The following MLLT3 variants were observed in gnomAD, a reference collection of about 807,000 sequenced individuals.
MLLT3 encodes protein AF-9.
In MLLT3, 4 loss-of-function variants were observed where a neutral mutation model predicts 53.2. The ratio of observed to expected loss-of-function variants is 0.08; its 90% CI spans 0.04 to 0.17. MLLT3 has a LOEUF of 0.17. MLLT3 is among the 10% of genes least tolerant of loss of function. MLLT3 has a pLI of 1.00. For synonymous variants in MLLT3, 283 were observed against 230.6 expected, an observed-to-expected ratio of 1.23 and a Z score of -2.06; for missense variants, 569 against 684.0, an observed-to-expected ratio of 0.83 and a Z score of 1.87.
chr9:20,489,678 A>T (rs1460933105), intron 2 of MLLT3, among the ~76,000 whole-genome samples: 1 of 152,230 alleles, frequency 6.6e-6, no homozygotes, highest in Non-Finnish European at 1.5e-5. Flanking sequence ...AGTACCTAAA[A>T]TTCCAACATA....
chr9:20,510,304 G>C (rs983264032), intron 2 of MLLT3, among the ~76,000 whole-genome samples: 5 of 152,154 alleles, frequency 3.3e-5, no homozygotes, highest in Admixed American at 2.0e-4. Context: ...GGTTGGCAGA[G>C]ATACACAAAT....
chr9:20,438,230 T>C (rs953255643), intron 4 of MLLT3, among the ~76,000 whole-genome samples: 3 of 152,254 alleles, frequency 2.0e-5, no homozygotes, highest in African/African-American at 7.2e-5. Context: ...AAGATAGCTT[T>C]AACATCAAAA....
At chr9:20,586,740 G>C (rs1475927856) in intron 2 of MLLT3, among the ~76,000 whole-genome samples, 3 of 151,820 alleles carry the variant, frequency 2.0e-5, no homozygotes, top group Non-Finnish European at 4.4e-5. Flanking sequence ...AAAAAGTAGA[G>C]AAATAATGAG....
chr9:20,358,308 A>G lies in MLLT3; in HGVS notation c.1431+2434T>C, dbSNP rs898362767. On this transcript the variant is annotated intron_variant, in intron 8 of 10. Transcript: ENST00000380338. ...CCTCCTGTGGTATATATATTTCCTA[A>G]CCCAGACTAGCTAAAAGTGGAAGCA... Among the ~76,000 whole-genome samples the G allele has an allele frequency of 2.0e-5, 3 of 152,126 alleles. No individual in the cohort carries two copies. In the East Asian group the frequency reaches 5.8e-4, roughly 29 times the overall value.
chr9:20,621,724 G>A lies in MLLT3; in HGVS notation c.12+521C>T, dbSNP rs1182075687. The A allele has an allele frequency of 5.4e-6, 8 of 1,482,574 alleles. No individual in the cohort carries two copies. Among genetic ancestry groups the A allele is most frequent in the Non-Finnish European group, 7.1e-6 (8 of 1,121,018 alleles). The allele number at this position is 1,482,574 out of a possible 1,614,324, so 91.8% of individuals were successfully genotyped here. On this transcript the variant is annotated intron_variant, in intron 1 of 10. Coordinates refer to ENST00000380338, the MANE Select transcript of MLLT3 (RefSeq NM_004529.4). The surrounding 1 kb of genome is among the most constrained non-coding windows in gnomAD (Gnocchi z 7.0). ...CAAAGTTGCGTGCGGCCCCGCCGCT[G>A]TCAGCCCCGCACACTTCGGCTCACA...
intron 2 of MLLT3, among the ~76,000 whole-genome samples, chr9:20,530,115 T>G (rs1352691408): frequency 6.6e-6 from 1 of 152,314 alleles, no homozygotes; most frequent in South Asian, 2.1e-4. Flanking sequence ...TAAATGTTAA[T>G]GCTTGTTAAT....
At chr9:20,615,881 A>G (rs1820821382) in intron 2 of MLLT3, among the ~76,000 whole-genome samples, 1 of 150,038 alleles carries the variant, frequency 6.7e-6, no homozygotes, top group Non-Finnish European at 1.5e-5. Flanking sequence ...TTTGAAAAAA[A>G]AAAAAAAAAA....
At position 20,343,898 on chromosome 9, in the gene MLLT3, T is replaced by C. The variant is rs1244961823; in HGVS notation, c.*2545A>G. 1 of 203,914 alleles carries C rather than the reference T, an allele frequency of 4.9e-6. No homozygotes were observed. The highest frequency in any genetic ancestry group is 2.3e-5 in the African/African-American group (1 of 43,764). 12.6% of individuals were successfully genotyped at this position (203,914 alleles called of 1,614,324 possible). ...ACTTTAAGAGAGGTATTAAAACTAC[T>C]TGAAATTAATTCAAAGGGATCTTTT... is the stretch of plus-strand genomic sequence containing the variant. On this transcript the variant is annotated 3_prime_UTR_variant, in exon 11 of 11. Transcript: ENST00000380338.
At chr9:20,397,332 T>C (rs142968429) in intron 5 of MLLT3, among the ~76,000 whole-genome samples, 37 of 152,278 alleles carry the variant, frequency 2.4e-4, no homozygotes, top group Admixed American at 6.5e-4. Context: ...TACATATCTT[T>C]GGGAACAACT....
At chr9:20,392,249 T>C (rs1159745598) in intron 5 of MLLT3, among the ~76,000 whole-genome samples, 2 of 152,200 alleles carry the variant, frequency 1.3e-5, no homozygotes, top group African/African-American at 4.8e-5. Flanking sequence ...ACCTGGTAAT[T>C]GTAAGAACCT....
At chr9:20,514,083 C>T (rs10811358) in intron 2 of MLLT3, among the ~76,000 whole-genome samples, 65,597 of 151,928 alleles carry the variant, frequency 0.43, 14,521 homozygotes, top group East Asian at 0.64. Context: ...TTGACTGATA[C>T]GAGGCAGGTG....
At chr9:20,602,812 T>C (rs1237866631) in intron 2 of MLLT3, among the ~76,000 whole-genome samples, 1 of 151,120 alleles carries the variant, frequency 6.6e-6, no homozygotes, top group African/African-American at 2.4e-5. Flanking sequence ...TATGCACACA[T>C]ATATTTATTT....
chr9:20,363,676 G>T, intron 6 of MLLT3, 71 bp from the exon 7 acceptor site: 1 of 1,494,974 alleles, frequency 6.7e-7, no homozygotes, highest in Non-Finnish European at 9.1e-7. Flanking sequence ...TAGAAACAGG[G>T]GGATGCTTAC....
chr9:20,345,263 G>A lies in MLLT3; in HGVS notation c.*1180C>T. The A allele has an allele frequency of 4.6e-6, 1 of 217,878 alleles. No individual in the cohort carries two copies. The highest frequency in any genetic ancestry group is 9.2e-6 in the Non-Finnish European group (1 of 108,304). 13.5% of individuals were successfully genotyped at this position (217,878 alleles called of 1,614,324 possible). On this transcript the variant is annotated 3_prime_UTR_variant, in exon 11 of 11. Coordinates refer to ENST00000380338, the MANE Select transcript of MLLT3 (RefSeq NM_004529.4). ...GAATCTACAAGTTAATACATAATCT[G>A]TTATGGCAGAATAACCAAGAATTTT... is the stretch of plus-strand genomic sequence containing the variant.
At position 20,341,862 on chromosome 9, in the gene MLLT3, C is replaced by T. The variant is rs1820744234; in HGVS notation, c.*4581G>A. The T allele has an allele frequency of 4.9e-6, 1 of 204,592 alleles. No homozygotes were observed. The highest frequency in any genetic ancestry group is 6.0e-5 in the Admixed American group (1 of 16,776). The allele number at this position is 204,592 out of a possible 1,614,324, so 12.7% of individuals were successfully genotyped here. Reference sequence around the variant, plus strand: ...GGGGGGAAAGAAAAAATACCGGGCACACATAGCCCAGTTTATGCCAAAAAA... The same window carrying T: ...GGGGGGAAAGAAAAAATACCGGGCATACATAGCCCAGTTTATGCCAAAAAA... On this transcript the variant is annotated 3_prime_UTR_variant, in exon 11 of 11. Transcript: ENST00000380338.
chr9:20,587,062 A>C (rs1819987562), intron 2 of MLLT3, among the ~76,000 whole-genome samples: 1 of 152,136 alleles, frequency 6.6e-6, no homozygotes, highest in Non-Finnish European at 1.5e-5. Context: ...ACCAAGTACA[A>C]AATAAAAGAC....
intron 5 of MLLT3, among the ~76,000 whole-genome samples, chr9:20,403,007 C>G (rs2118749743): frequency 1.3e-5 from 2 of 152,050 alleles, no homozygotes; most frequent in South Asian, 4.2e-4. Context: ...TTAAAATGTT[C>G]TAGAGGAGGA....
At position 20,620,857 on chromosome 9, in the gene MLLT3, C is replaced by T; in HGVS notation, c.13-23G>A. ...ACACTGCGGGCAGGGGGAGGAGAGA[C>T]AGCCGTGAATAACAGGAAGGCGAGG... is the stretch of plus-strand genomic sequence containing the variant. On this transcript the variant is annotated intron_variant, in intron 1 of 10. Transcript: ENST00000380338. This position sits in a 1 kb window ranked among gnomAD's most constrained non-coding sequence, Gnocchi z 6.1. 6.2e-7 allele frequency: 1 copy of T among 1,613,762 alleles called. No individual in the cohort carries two copies. Among genetic ancestry groups the T allele is most frequent in the Non-Finnish European group, 8.5e-7 (1 of 1,179,850 alleles).
intron 10 of MLLT3, among the ~76,000 whole-genome samples, chr9:20,349,081 G>C (rs1820946842): frequency 6.6e-6 from 1 of 152,146 alleles, no homozygotes; most frequent in South Asian, 2.1e-4. Flanking sequence ...AAGCTGACCA[G>C]AATTTGACTC....
Sources: gnomAD v4.1 joint callset for allele counts (sites outside exome capture counted in the v4.1 genomes callset) on GRCh38, gnomAD v4.1.1 for gene constraint, Gnocchi (gnomAD v3.1) non-coding constraint, MANE v1.5 for transcripts, NCBI Gene and HGNC (gene_info 2026-07-23, HGNC 2026-07-21) for gene names.